Variants in FANCA observed in about 807,000 individuals in gnomAD.
FANCA encodes Fanconi anemia group A protein.
In FANCA, 236 loss-of-function variants were observed where a neutral mutation model predicts 194.3. That is an observed-to-expected ratio of 1.21 (90% CI 1.09 to 1.35). The LOEUF (loss-of-function observed/expected upper bound fraction) is 1.35. Ranked by LOEUF, FANCA falls within the 40% of genes most tolerant of loss-of-function variation. FANCA has a pLI of 0.00. For missense variants in FANCA, 2,628 were observed against 1,813.9 expected (o/e 1.45, Z -8.15); for synonymous variants, 1,014 against 715.8 (o/e 1.42, Z -6.65).
At chr16:89,748,478 G>C (rs528210362) in intron 33 of FANCA, among the ~76,000 whole-genome samples, 181 bp downstream of exon 33, 1 of 152,214 alleles carries the variant, frequency 6.6e-6, no homozygotes, top group African/African-American at 2.4e-5. Flanking sequence ...TGTGCTGGTC[G>C]CCGTCCTGGC....
chr16:89,737,666 G>C lies in FANCA; in HGVS notation c.*935C>G, dbSNP rs990780550. 5.3e-6 allele frequency: 8 copies of C among 1,498,052 alleles called. No individual in the cohort carries two copies. The African/African-American group carries it at 9.8e-5, about 18-fold the overall frequency. The allele number at this position is 1,498,052 out of a possible 1,614,324, so 92.8% of individuals were successfully genotyped here. A position where few individuals can be genotyped will look rare whatever the true frequency, so the allele number is the denominator to read the frequency against. On this transcript the variant is annotated 3_prime_UTR_variant, in exon 43 of 43. Transcript: ENST00000389301. Reference sequence around the variant, plus strand: ...GATCTTAATAAACGAGGCCCTCATAGGCCCCTTGCTTGGGCCCACTGCATG... The same window carrying C: ...GATCTTAATAAACGAGGCCCTCATACGCCCCTTGCTTGGGCCCACTGCATG...
At chr16:89,763,474 C>G (rs1382757176) in intron 28 of FANCA, among the ~76,000 whole-genome samples, 1 of 151,732 alleles carries the variant, frequency 6.6e-6, no homozygotes, top group African/African-American at 2.4e-5. Flanking sequence ...CTGTGCCCAG[C>G]CACCTTGAAA....
At chr16:89,806,763 A>G (rs943302145) in intron 6 of FANCA, among the ~76,000 whole-genome samples, 1 of 152,214 alleles carries the variant, frequency 6.6e-6, no homozygotes, top group Non-Finnish European at 1.5e-5. Context: ...CTACACAGAC[A>G]CAGCAACCAT....
intron 11 of FANCA, among the ~76,000 whole-genome samples, chr16:89,795,665 A>G (rs2040220528): frequency 6.6e-6 from 1 of 152,218 alleles, no homozygotes; most frequent in South Asian, 2.1e-4. Context: ...AGATATTTCT[A>G]TTTTAATGAC....
chr16:89,774,093 A>G (rs180892580), intron 21 of FANCA, among the ~76,000 whole-genome samples: 7 of 152,214 alleles, frequency 4.6e-5, no homozygotes. Flanking sequence ...AAAAAGGAAG[A>G]TACGCTGCAT....
At chr16:89,783,695 G>A (rs1168630810) in intron 15 of FANCA, among the ~76,000 whole-genome samples, 2 of 152,212 alleles carry the variant, frequency 1.3e-5, no homozygotes, top group African/African-American at 4.8e-5. Context: ...AGCGGCAGCA[G>A]GAACCGGCCC....
chr16:89,747,416 G>C (rs772055437), intron 33 of FANCA, among the ~76,000 whole-genome samples: 5 of 152,188 alleles, frequency 3.3e-5, no homozygotes, highest in Non-Finnish European at 5.9e-5. Context: ...ACATTTTGAA[G>C]TGCTGCACAA....
intron 8 of FANCA, among the ~76,000 whole-genome samples, chr16:89,801,343 C>CAAAAAAAAAAAAA (rs60802306): frequency 9.0e-5 from 9 of 100,310 alleles, no homozygotes; most frequent in African/African-American, 3.1e-4. Flanking sequence ...GACTCTGTCT[C>CAAAAAAAAAAAAA]AAAAAAAAAA....
At chr16:89,777,464 G>A (rs922577471) in intron 20 of FANCA, among the ~76,000 whole-genome samples, 13 of 151,674 alleles carry the variant, frequency 8.6e-5, no homozygotes, top group Non-Finnish European at 1.6e-4. Context: ...GGTGGCTCAC[G>A]CTTGTAATCC....
intron 30 of FANCA, among the ~76,000 whole-genome samples, chr16:89,755,447 T>C (rs1448904525): frequency 6.6e-6 from 1 of 151,906 alleles, no homozygotes. Context: ...TCAAGTGATC[T>C]GCCCGCCTCA....
intron 28 of FANCA, among the ~76,000 whole-genome samples, chr16:89,763,097 G>A (rs1022961491): frequency 2.0e-5 from 3 of 150,840 alleles, no homozygotes; most frequent in Admixed American, 6.6e-5. Flanking sequence ...AATACAAAAA[G>A]TTAGCTGGGC....
In FANCA at chr16:89,792,083, T is replaced by C; in HGVS notation, c.1084-15A>G. The C allele has an allele frequency of 6.2e-7, 1 of 1,614,132 alleles. No homozygotes were observed. The highest frequency in any genetic ancestry group is 8.5e-7 in the Non-Finnish European group (1 of 1,180,002). ...ATCACAAAGAGCTGAAATAAAAGCATCCGCTCCCTTCAATATCCAAGCAAA... is the reference window on the plus strand; with the variant it reads ...ATCACAAAGAGCTGAAATAAAAGCACCCGCTCCCTTCAATATCCAAGCAAA... On this transcript the variant is annotated splice_polypyrimidine_tract_variant and intron_variant, in intron 12 of 42. Transcript: ENST00000389301.
chr16:89,784,368 CAA>C (rs58907559), intron 15 of FANCA, among the ~76,000 whole-genome samples: 56 of 104,092 alleles, frequency 5.4e-4, no homozygotes, highest in African/African-American at 1.1e-3. Context: ...GAGACTGTCT[CAA>C]AAAAAAAAAC....
intron 35 of FANCA, among the ~76,000 whole-genome samples, chr16:89,745,563 C>T (rs5000709): frequency 1.2e-5 from 1 of 83,208 alleles, no homozygotes; most frequent in Non-Finnish European, 2.1e-5. Flanking sequence ...GGACCACACT[C>T]CTCTGAGCTG....
At chr16:89,779,610 C>G (rs1002715885) in intron 18 of FANCA, among the ~76,000 whole-genome samples, 1 of 152,194 alleles carries the variant, frequency 6.6e-6, no homozygotes, top group East Asian at 1.9e-4. Flanking sequence ...CTTGACCTCA[C>G]CCCGTATCCC....
At chr16:89,749,670 G>A (rs1239335154) in intron 32 of FANCA, 60 bp downstream of exon 32, 24 of 1,568,214 alleles carry the variant, frequency 1.5e-5, no homozygotes, top group East Asian at 4.7e-5. Context: ...CTCTAGGACC[G>A]TCATGAGATG....
chr16:89,760,594 T>C (rs2376882), intron 29 of FANCA, among the ~76,000 whole-genome samples: 100,614 of 151,798 alleles, frequency 0.66, 34,208 homozygotes, highest in East Asian at 0.99. Flanking sequence ...TCCACACCCT[T>C]AAACCCAACG....
Position 89,785,757 on chromosome 16 carries a change from T to C in FANCA, c.1360-793A>G, listed in dbSNP as rs565901666. Among the ~76,000 whole-genome samples the C allele has an allele frequency of 1.0e-3, 159 of 152,134 alleles. 1 individual carries two copies. The highest frequency in any genetic ancestry group is 2.2e-3 in the Non-Finnish European group (149 of 68,010). On this transcript the variant is annotated intron_variant, in intron 14 of 42. Transcript: ENST00000389301. ...CCCCACTTGAGACCACAGGACATCC[T>C]GGTGAAACCTCAGCAAGTTACCATC... is the stretch of plus-strand genomic sequence containing the variant.
intron 20 of FANCA, among the ~76,000 whole-genome samples, chr16:89,777,038 C>T (rs1598123409): frequency 2.6e-5 from 4 of 152,008 alleles, no homozygotes; most frequent in African/African-American, 9.6e-5. Context: ...AGCGAAAATC[C>T]GTGTCCTCAA....
Sources: gnomAD v4.1 joint callset for allele counts (sites outside exome capture counted in the v4.1 genomes callset) on GRCh38, gnomAD v4.1.1 for gene constraint, MANE v1.5 for transcripts, NCBI Gene and HGNC (gene_info 2026-07-23, HGNC 2026-07-21) for gene names.